Variants in ASTN2 observed in about 807,000 individuals in gnomAD.
ASTN2 encodes the protein astrotactin 2.
A neutral mutation model predicts 139.8 loss-of-function variants in ASTN2; 54 were observed. The ratio of observed to expected loss-of-function variants is 0.39; its 90% CI spans 0.31 to 0.48. The LOEUF (loss-of-function observed/expected upper bound fraction) is 0.48, where lower values mean the gene tolerates loss of function less well. ASTN2 is among the 20% of genes least tolerant of loss of function. The pLI is 0.95. For synonymous variants in ASTN2, 756 were observed against 719.5 expected (o/e 1.05, Z -0.81); for missense variants, 1,565 against 1,725.1 (o/e 0.91, Z 1.64).
chr9:116,486,092 A>G (rs978050945), intron 20 of ASTN2, among the ~76,000 whole-genome samples: 1 of 152,236 alleles, frequency 6.6e-6, no homozygotes, highest in Non-Finnish European at 1.5e-5. Context: ...AAGGCTTTAT[A>G]AGAGACCTAT....
chr9:116,502,696 A>T (rs1357370941), intron 19 of ASTN2, among the ~76,000 whole-genome samples: 1 of 38,132 alleles, frequency 2.6e-5, no homozygotes, highest in African/African-American at 1.0e-4. Context: ...GGAAGGAAGG[A>T]AGGAAGGAAG....
At chr9:116,603,076 C>T (rs894464215) in intron 19 of ASTN2, among the ~76,000 whole-genome samples, 2 of 152,154 alleles carry the variant, frequency 1.3e-5, no homozygotes, top group African/African-American at 4.8e-5. Flanking sequence ...CGTGACTGTA[C>T]CATCACAGAA....
intron 1 of ASTN2, 21 bp from the exon 2 acceptor site, chr9:117,291,534 C>A: frequency 6.4e-7 from 1 of 1,574,586 alleles, no homozygotes; most frequent in Non-Finnish European, 8.6e-7. Flanking sequence ...AGACCCGAGG[C>A]ACTGGGTGAG....
intron 1 of ASTN2, among the ~76,000 whole-genome samples, chr9:117,336,446 C>T (rs896070439): frequency 1.3e-5 from 2 of 152,124 alleles, no homozygotes; most frequent in African/African-American, 4.8e-5. Flanking sequence ...AATCATCACC[C>T]GATGCAGCGC....
intron 5 of ASTN2, among the ~76,000 whole-genome samples, chr9:117,070,770 T>C (rs188508777): frequency 0.012 from 1,786 of 151,956 alleles, 14 homozygotes; most frequent in South Asian, 0.017. Context: ...TCATCTTCCA[T>C]TGCTGACACC....
At chr9:116,532,169 G>A (rs1851383039) in intron 19 of ASTN2, among the ~76,000 whole-genome samples, 1 of 152,168 alleles carries the variant, frequency 6.6e-6, no homozygotes, top group African/African-American at 2.4e-5. Context: ...GTCTTCTTTT[G>A]AGAAGTGTCT....
In ASTN2 at chr9:116,733,466, C is replaced by T. The variant is rs376340548; in HGVS notation, c.2454G>A (p.Pro818=). 272 of 1,614,024 alleles carry T rather than the reference C, an allele frequency of 1.7e-4. No homozygotes were observed. Among genetic ancestry groups the T allele is most frequent in the East Asian group, 4.2e-4 (19 of 44,882 alleles). ...PQLADGLLVI[P]LPVEEQCRGV... is the part of the protein sequence containing the mutation. ...CCCGGCACTGCTCCTCCACCGGCAG[C>T]GGGATCACCAACAGCCCATCGGCCA... The change falls in exon 14 of 23, where the codon CCG becomes CCA. Residue 818 remains proline, a synonymous_variant. Transcript: ENST00000313400.
chr9:117,226,851 T>C (rs1832730203), intron 2 of ASTN2, among the ~76,000 whole-genome samples: 1 of 152,198 alleles, frequency 6.6e-6, no homozygotes. Context: ...CTTTGCTCAG[T>C]ACATTATTCC....
chr9:116,565,259 T>TAC (rs1283681452), intron 19 of ASTN2, among the ~76,000 whole-genome samples: 1 of 114,368 alleles, frequency 8.7e-6, no homozygotes, highest in African/African-American at 4.3e-5. Flanking sequence ...CACACACACA[T>TAC]ATGCCCCATA....
chr9:116,632,194 GAGAAAGAAAGAAAAGAA>G (rs1197954820), intron 17 of ASTN2, among the ~76,000 whole-genome samples: 3 of 42,024 alleles, frequency 7.1e-5, no homozygotes, highest in South Asian at 1.4e-3. Flanking sequence ...GGGAGAGAGA[GAGAAAGAAAGAAAAGAA>G]AGAAAGAAAG....
chr9:116,751,524 T>A (rs998958496), intron 13 of ASTN2, among the ~76,000 whole-genome samples: 3 of 151,912 alleles, frequency 2.0e-5, no homozygotes, highest in Non-Finnish European at 2.9e-5. Flanking sequence ...TACTGTGTGC[T>A]CCATAAATGT....
chr9:117,060,506 A>AAGGAAGGAAGG (rs1564406817), intron 5 of ASTN2, among the ~76,000 whole-genome samples: 1 of 82,224 alleles, frequency 1.2e-5, no homozygotes, highest in Non-Finnish European at 2.3e-5. Flanking sequence ...AGAAAGAAAG[A>AAGGAAGGAAGG]AAGAAAGGAA....
chr9:117,120,004 G>A (rs1380440225), intron 4 of ASTN2, among the ~76,000 whole-genome samples: 2 of 44,240 alleles, frequency 4.5e-5, no homozygotes, highest in Non-Finnish European at 4.5e-5. Flanking sequence ...GTGTGTGTGT[G>A]TGTGTGTGTG....
intron 1 of ASTN2, among the ~76,000 whole-genome samples, chr9:117,387,032 TCTACA>T (rs1321554537): frequency 1.3e-5 from 2 of 152,146 alleles, no homozygotes; most frequent in African/African-American, 4.8e-5. Flanking sequence ...GGCCTCACAG[TCTACA>T]CCCTGTTGAT....
intron 6 of ASTN2, among the ~76,000 whole-genome samples, chr9:117,039,608 T>TA (rs958230798): frequency 7.9e-5 from 12 of 151,994 alleles, no homozygotes; most frequent in African/African-American, 2.4e-4. Context: ...AAAAAAAAAT[T>TA]AAAAAAAATA....
chr9:117,322,956 T>C (rs1201817335), intron 1 of ASTN2, among the ~76,000 whole-genome samples: 1 of 152,132 alleles, frequency 6.6e-6, no homozygotes, highest in Non-Finnish European at 1.5e-5. Context: ...ATAAGAACAA[T>C]AATTTTTTTT....
intron 13 of ASTN2, among the ~76,000 whole-genome samples, chr9:116,772,274 T>C (rs1408352685): frequency 6.6e-6 from 1 of 152,000 alleles, no homozygotes; most frequent in Non-Finnish European, 1.5e-5. Context: ...TGGGGGTGGG[T>C]GTTTCCCATG....
chr9:116,711,527 T>A (rs1025417468), intron 16 of ASTN2, among the ~76,000 whole-genome samples: 2 of 152,214 alleles, frequency 1.3e-5, no homozygotes, highest in African/African-American at 4.8e-5. Flanking sequence ...ACCTTCTTTT[T>A]GATCACCAGA....
At chr9:116,712,467 A>G (rs1828189603) in intron 16 of ASTN2, among the ~76,000 whole-genome samples, 1 of 152,206 alleles carries the variant, frequency 6.6e-6, no homozygotes, top group African/African-American at 2.4e-5. Flanking sequence ...TACCTGAAAC[A>G]TAGTAGGCAC....
Sources: allele counts gnomAD v4.1 joint callset (sites outside exome capture counted in the v4.1 genomes callset), GRCh38; gene constraint gnomAD v4.1.1; transcripts MANE v1.5; gene names NCBI Gene and HGNC (gene_info 2026-07-23, HGNC 2026-07-21).